The following MYCBP2 variants were observed in gnomAD, a reference collection of about 807,000 sequenced individuals.
The protein encoded by MYCBP2 is E3 ubiquitin-protein ligase MYCBP2.
MYCBP2 carries 120 observed loss-of-function variants against 525.3 expected under a neutral mutation model. The ratio of observed to expected loss-of-function variants is 0.23; its 90% CI spans 0.20 to 0.27. The LOEUF is 0.27. MYCBP2 is among the 10% of genes least tolerant of loss of function. MYCBP2 has a pLI of 1.00. For missense variants in MYCBP2, 4,149 were observed against 5,657.1 expected, an observed-to-expected ratio of 0.73 and a Z score of 8.55; for synonymous variants, 1,894 against 1,955.8, an observed-to-expected ratio of 0.97 and a Z score of 0.83.
At chr13:77,299,075 G>A (rs79524295) in intron 1 of MYCBP2, among the ~76,000 whole-genome samples, 1,560 of 152,210 alleles carry the variant, frequency 0.01, 25 homozygotes, top group African/African-American at 0.034. Context: ...TTGAGCAACA[G>A]GAATACATAA....
At chr13:77,054,419 A>T (rs76076778) in intron 80 of MYCBP2, among the ~76,000 whole-genome samples, 3,096 of 152,234 alleles carry the variant, frequency 0.02, 58 homozygotes, top group Middle Eastern at 0.044. Flanking sequence ...AATTAGCAGC[A>T]GTGTAAGGGA....
At chr13:77,285,889 G>GAAAGGAAAGGAAAGGAAAGC (rs1555459791) in intron 3 of MYCBP2, among the ~76,000 whole-genome samples, 2 of 126,108 alleles carry the variant, frequency 1.6e-5, no homozygotes, top group East Asian at 2.7e-4. Context: ...GAAAGGAAAG[G>GAAAGGAAAGGAAAGGAAAGC]AAAGGAAAGC....
chr13:77,311,698 C>T (rs549670834), intron 1 of MYCBP2, among the ~76,000 whole-genome samples: 24 of 147,228 alleles, frequency 1.6e-4, no homozygotes, highest in Non-Finnish European at 2.5e-4. Context: ...TGAACCTGAA[C>T]GTGTATCAAT....
chr13:77,146,471 A>C (rs577216196), intron 47 of MYCBP2, among the ~76,000 whole-genome samples: 1 of 152,082 alleles, frequency 6.6e-6, no homozygotes, highest in South Asian at 2.1e-4. Flanking sequence ...GAGTACATTA[A>C]AATTTTAAAG....
At chr13:77,084,004 T>A (rs1370655003) in intron 62 of MYCBP2, among the ~76,000 whole-genome samples, 1 of 152,190 alleles carries the variant, frequency 6.6e-6, no homozygotes, top group Non-Finnish European at 1.5e-5. Context: ...TTATTAGATA[T>A]GTATGTAACA....
rs1594425352 is a variant in MYCBP2 at position 77,260,520 on chromosome 13, T to C, written c.1925A>G (p.Tyr642Cys). The change falls in exon 13 of 83, where the codon TAT becomes TGT. Residue 642 changes from tyrosine to cysteine, a missense_variant. Tyr to Cys is a radical substitution (Grantham distance 194). Coordinates refer to ENST00000544440, the MANE Select transcript of MYCBP2 (RefSeq NM_015057.5). ...IIKMEGKIVV[Y>C]TACNNGSSSV... The stretch of plus-strand genomic sequence containing the variant: ...ACTACTTCCATTATTGCAGGCTGTA[T>C]ATACCACAATCTTTCCTTCCATCTT... 5 of 1,611,924 alleles carry C rather than the reference T, an allele frequency of 3.1e-6. No individual in the cohort carries two copies. The highest frequency in any genetic ancestry group is 4.2e-6 in the Non-Finnish European group (5 of 1,178,776).
intron 1 of MYCBP2, among the ~76,000 whole-genome samples, chr13:77,317,854 T>C (rs1288515225): frequency 1.3e-5 from 2 of 152,092 alleles, no homozygotes; most frequent in East Asian, 3.9e-4. Flanking sequence ...GGAGAACTGC[T>C]TGAACCCGGG....
chr13:77,196,260 CA>C (rs1342635214), intron 26 of MYCBP2, among the ~76,000 whole-genome samples: 2 of 152,152 alleles, frequency 1.3e-5, no homozygotes, highest in African/African-American at 2.4e-5. Flanking sequence ...ACTAGTAGAA[CA>C]AAAGGTCAGA....
chr13:77,238,297 A>C (rs1436373067), intron 17 of MYCBP2, among the ~76,000 whole-genome samples: 1 of 150,894 alleles, frequency 6.6e-6, no homozygotes, highest in Non-Finnish European at 1.5e-5. Context: ...ATAAAATGGG[A>C]CTCTCCCATG....
intron 1 of MYCBP2, among the ~76,000 whole-genome samples, chr13:77,303,782 C>T (rs1005537833): frequency 7.6e-6 from 1 of 131,034 alleles, no homozygotes; most frequent in Non-Finnish European, 1.7e-5. Context: ...AAAAAAAAAA[C>T]ACTGAAAGTA....
intron 49 of MYCBP2, among the ~76,000 whole-genome samples, chr13:77,142,859 A>T (rs1161855839): frequency 6.6e-6 from 1 of 152,222 alleles, no homozygotes; most frequent in Admixed American, 6.5e-5. Flanking sequence ...TGAATTAGGG[A>T]TGCTCAACTG....
Position 77,217,768 on chromosome 13 carries a change from A to G in MYCBP2, c.3057+72T>C, listed in dbSNP as rs1207567544. 3.5e-6 allele frequency: 3 copies of G among 859,270 alleles called. No homozygotes were observed. The Admixed American group carries it at 8.0e-5, about 23-fold the overall frequency. 53.2% of individuals were successfully genotyped at this position (859,270 alleles called of 1,614,324 possible). On this transcript the variant is annotated intron_variant, in intron 21 of 82. Coordinates refer to ENST00000544440, the MANE Select transcript of MYCBP2 (RefSeq NM_015057.5). ...TTATATTATATTCTGGAAACAGAAAAAAGAGCTAATATAGACAAATTATAA... is the reference window on the plus strand; with the variant it reads ...TTATATTATATTCTGGAAACAGAAAGAAGAGCTAATATAGACAAATTATAA...
chr13:77,326,240 GACACACACACACACACACACACACAC>G lies in MYCBP2; in HGVS notation c.302+208_302+233del, dbSNP rs398023536. On this transcript the variant is annotated intron_variant, in intron 1 of 82. Transcript: ENST00000544440. The surrounding 1 kb of genome is among the most constrained non-coding windows in gnomAD (Gnocchi z 4.2). The stretch of plus-strand genomic sequence containing the variant: ...CACTATCCCCCCACATAGGCAGGCA[GACACACACACACACACACACACACAC>G]ACACACACACACACACACGAGAAAC... 0.025 allele frequency among the ~76,000 whole-genome samples: 3,182 copies of G among 127,870 alleles called. 119 individuals are homozygous for G. Among genetic ancestry groups the G allele is most frequent in the African/African-American group, 0.089 (3,010 of 33,692 alleles). 83.9% of individuals were successfully genotyped at this position (127,870 alleles called of 152,430 possible).
At chr13:77,142,921 ACTT>A (rs1269571132) in intron 49 of MYCBP2, among the ~76,000 whole-genome samples, 1 of 152,194 alleles carries the variant, frequency 6.6e-6, no homozygotes, top group Non-Finnish European at 1.5e-5. Context: ...AATCTAGAAT[ACTT>A]CTGGTGCCAA....
chr13:77,113,170 C>T (rs899882504), intron 55 of MYCBP2, among the ~76,000 whole-genome samples: 1 of 152,148 alleles, frequency 6.6e-6, no homozygotes, highest in Admixed American at 6.5e-5. Context: ...TAACCTCCTT[C>T]CTCATCTCCA....
chr13:77,083,252 A>G, intron 62 of MYCBP2, 60 bp from the exon 63 acceptor site: 1 of 1,500,586 alleles, frequency 6.7e-7, no homozygotes, highest in Non-Finnish European at 9.0e-7. Context: ...CCTCTTCACA[A>G]AAGACTATTA....
chr13:77,225,470 C>A lies in MYCBP2; in HGVS notation c.2822G>T (p.Arg941Leu). ...AAATCCACAGCTGACTTGGACTGCC[C>A]GGAGCTCACAGTCAAATCGCACAGA... ...PGSVRFDCELRAVQVSCGFHH... is the reference protein window; with the variant it reads ...PGSVRFDCELLAVQVSCGFHH... Residue 941 changes from arginine (R) to leucine (L), a missense_variant, in exon 19 of 83, where the codon CGG (arginine) becomes CTG (leucine). Arg to Leu is a moderately radical substitution (Grantham distance 102). Transcript: ENST00000544440. The A allele has an allele frequency of 1.3e-5, 21 of 1,613,660 alleles. No individual in the cohort carries two copies. Among genetic ancestry groups the A allele is most frequent in the Non-Finnish European group, 1.8e-5 (21 of 1,179,776 alleles).
chr13:77,262,073 T>A lies in MYCBP2; in HGVS notation c.1627A>T (p.Met543Leu), dbSNP rs746343125. Residue 543 changes from methionine (M) to leucine (L), a missense_variant, in exon 11 of 83, where the codon ATG becomes TTG. Around this residue, in one of 21 missense-constraint regions of MYCBP2, gnomAD observed 262 missense variants for 419.3 expected, o/e 0.62. Transcript: ENST00000544440. ...ILGAGREFAL[M>L]KTANGKIYYT... ...TTTACCTTTCCATTTGCTGTTTTCATTAGCGCAAACTCTCGTCCTGCACCA... is the reference window on the plus strand; with the variant it reads ...TTTACCTTTCCATTTGCTGTTTTCAATAGCGCAAACTCTCGTCCTGCACCA... 6.2e-6 allele frequency: 10 copies of A among 1,611,302 alleles called. No individual in the cohort carries two copies. In the African/African-American group the frequency reaches 1.3e-4, roughly 22 times the overall value.
At chr13:77,074,951 G>A (rs1426751899) in intron 68 of MYCBP2, among the ~76,000 whole-genome samples, 2 of 152,208 alleles carry the variant, frequency 1.3e-5, no homozygotes, top group Non-Finnish European at 2.9e-5. Context: ...GCTCATATCT[G>A]TAATCTCAGC....
Sources: allele counts gnomAD v4.1 joint callset (sites outside exome capture counted in the v4.1 genomes callset), GRCh38; gene constraint gnomAD v4.1.1; regional missense constraint gnomAD v4.1.1; non-coding constraint Gnocchi (gnomAD v3.1); transcripts MANE v1.5; gene names NCBI Gene and HGNC (gene_info 2026-07-23, HGNC 2026-07-21).